KCNH8: variants seen among roughly 807,000 people sequenced by gnomAD.
KCNH8 encodes the protein voltage-gated delayed rectifier potassium channel KCNH8.
Under a neutral mutation model 103.6 loss-of-function variants are expected in KCNH8, and 70 were observed. The observed-to-expected ratio is 0.68, with a 90% CI of 0.56 to 0.82. The LOEUF is 0.82. Ranked by LOEUF, KCNH8 falls within the 40% of genes least tolerant of loss-of-function variation. The pLI is 0.00. For missense variants in KCNH8, 1,217 were observed against 1,329.9 expected, an observed-to-expected ratio of 0.92 and a Z score of 1.32; for synonymous variants, 498 against 489.4, an observed-to-expected ratio of 1.02 and a Z score of -0.23.
intron 6 of KCNH8, 55 bp from the exon 7 acceptor site, chr3:19,395,049 T>A (rs1188421627): frequency 2.3e-5 from 29 of 1,236,672 alleles, no homozygotes; most frequent in Non-Finnish European, 3.3e-5. Flanking sequence ...AAGTTAATGT[T>A]GTGGTATGAA....
intron 3 of KCNH8, among the ~76,000 whole-genome samples, chr3:19,312,218 A>G (rs759343841): frequency 1.4e-4 from 21 of 151,962 alleles, no homozygotes; most frequent in Non-Finnish European, 2.8e-4. Context: ...GCAAATGTGT[A>G]TGGGCCAATC....
chr3:19,254,310 G>A (rs965610062), intron 2 of KCNH8, among the ~76,000 whole-genome samples: 5 of 151,760 alleles, frequency 3.3e-5, no homozygotes, highest in African/African-American at 1.2e-4. Flanking sequence ...AGATCTGTGT[G>A]TTCCCTGCAA....
intron 11 of KCNH8, among the ~76,000 whole-genome samples, chr3:19,510,153 C>T (rs1300052559): frequency 6.6e-6 from 1 of 152,036 alleles, no homozygotes; most frequent in African/African-American, 2.4e-5. Flanking sequence ...AGTAGTGGTC[C>T]TAGAGGATAG....
chr3:19,476,451 C>T (rs2067978441), intron 11 of KCNH8, among the ~76,000 whole-genome samples: 1 of 152,080 alleles, frequency 6.6e-6, no homozygotes, highest in Non-Finnish European at 1.5e-5. Flanking sequence ...GGTGGGTATC[C>T]TGAAAATCTT....
intron 2 of KCNH8, among the ~76,000 whole-genome samples, chr3:19,263,640 G>A (rs2064466057): frequency 6.6e-6 from 1 of 152,090 alleles, no homozygotes; most frequent in South Asian, 2.1e-4. Flanking sequence ...CCAGGCAGAA[G>A]CTGCAAGAAT....
chr3:19,494,827 T>TA (rs1187503931), intron 11 of KCNH8, among the ~76,000 whole-genome samples: 4 of 152,168 alleles, frequency 2.6e-5, no homozygotes, highest in African/African-American at 7.2e-5. Context: ...CAACAGTATA[T>TA]AAGTGTTCCT....
intron 2 of KCNH8, among the ~76,000 whole-genome samples, chr3:19,272,279 G>C (rs2064599512): frequency 6.6e-6 from 1 of 151,860 alleles, no homozygotes; most frequent in Non-Finnish European, 1.5e-5. Context: ...AAAATTTTGA[G>C]GTACAATGAC....
At chr3:19,163,737 A>C (rs1370407700) in intron 1 of KCNH8, among the ~76,000 whole-genome samples, 1 of 151,806 alleles carries the variant, frequency 6.6e-6, no homozygotes, top group Non-Finnish European at 1.5e-5. Context: ...CCATGAGACA[A>C]CAAGACTGAC....
intron 7 of KCNH8, among the ~76,000 whole-genome samples, chr3:19,434,097 C>A (rs2067161436): frequency 2.0e-5 from 3 of 152,130 alleles, no homozygotes; most frequent in African/African-American, 7.2e-5. Flanking sequence ...GCTCTCTGTA[C>A]ACTTTGAACT....
chr3:19,234,196 C>G (rs998939485), intron 1 of KCNH8, among the ~76,000 whole-genome samples: 6 of 152,214 alleles, frequency 3.9e-5, no homozygotes, highest in Non-Finnish European at 1.5e-5. Flanking sequence ...ACGTCCCTAC[C>G]AGACTCAGGA....
intron 14 of KCNH8, among the ~76,000 whole-genome samples, chr3:19,516,412 G>A (rs1010008033): frequency 7.2e-5 from 11 of 152,002 alleles, no homozygotes; most frequent in Non-Finnish European, 1.2e-4. Context: ...GTGAAGTGAG[G>A]AAAATGCAAA....
intron 7 of KCNH8, among the ~76,000 whole-genome samples, chr3:19,436,439 A>G (rs930973880): frequency 5.3e-5 from 8 of 152,220 alleles, no homozygotes; most frequent in Non-Finnish European, 1.0e-4. Context: ...ACCGTGGAAC[A>G]TGTACTGTCA....
At chr3:19,527,776 G>A (rs1002075849) in intron 15 of KCNH8, among the ~76,000 whole-genome samples, 2 of 152,050 alleles carry the variant, frequency 1.3e-5, no homozygotes, top group African/African-American at 4.8e-5. Flanking sequence ...CATGACAGGG[G>A]ATGTTGTTTA....
rs2063550561 is a variant in KCNH8 at position 19,191,222 on chromosome 3, T to A, written c.76+42427T>A. Among the ~76,000 whole-genome samples the A allele has an allele frequency of 4.6e-5, 7 of 151,806 alleles. No homozygotes were observed. In the South Asian group the frequency reaches 1.5e-3, roughly 31 times the overall value. ...ATGGAATTGATAGGTGAAAATATATTTACAGTTAATATTTTAATACATTCT... is the reference window on the plus strand; with the variant it reads ...ATGGAATTGATAGGTGAAAATATATATACAGTTAATATTTTAATACATTCT... On this transcript the variant is annotated intron_variant, in intron 1 of 15. Transcript: ENST00000328405.
intron 1 of KCNH8, among the ~76,000 whole-genome samples, chr3:19,213,614 T>C (rs1198098663): frequency 6.6e-6 from 1 of 152,216 alleles, no homozygotes; most frequent in Non-Finnish European, 1.5e-5. Flanking sequence ...GTAGTCATCT[T>C]GATATGTCTT....
At chr3:19,209,108 A>G (rs1171880399) in intron 1 of KCNH8, among the ~76,000 whole-genome samples, 3 of 152,014 alleles carry the variant, frequency 2.0e-5, no homozygotes, top group African/African-American at 7.2e-5. Context: ...TCACAAATAT[A>G]TGTGTGCAAA....
intron 7 of KCNH8, among the ~76,000 whole-genome samples, chr3:19,404,977 A>C (rs758358993): frequency 2.0e-5 from 3 of 151,830 alleles, no homozygotes; most frequent in Non-Finnish European, 2.9e-5. Context: ...GGGGTATAGC[A>C]GGTAGAATAG....
At chr3:19,418,202 G>A (rs1395091827) in intron 7 of KCNH8, among the ~76,000 whole-genome samples, 1 of 152,196 alleles carries the variant, frequency 6.6e-6, no homozygotes, top group Non-Finnish European at 1.5e-5. Context: ...AAATCTCACA[G>A]TGTATTTGAG....
At chr3:19,231,509 A>G (rs2063994329) in intron 1 of KCNH8, among the ~76,000 whole-genome samples, 1 of 152,188 alleles carries the variant, frequency 6.6e-6, no homozygotes, top group Admixed American at 6.5e-5. Flanking sequence ...CAGACAATTT[A>G]AAAAGTAATA....
Sources: allele counts gnomAD v4.1 joint callset (sites outside exome capture counted in the v4.1 genomes callset), GRCh38; gene constraint gnomAD v4.1.1; transcripts MANE v1.5; gene names NCBI Gene and HGNC (gene_info 2026-07-23, HGNC 2026-07-21).